SUPT3H: variants seen among roughly 807,000 people sequenced by gnomAD.
SUPT3H encodes SPT3 homolog, SAGA and STAGA complex component.
In SUPT3H, 44 loss-of-function variants were observed where a neutral mutation model predicts 44.3. The ratio of observed to expected loss-of-function variants is 0.99; its 90% CI spans 0.78 to 1.28. SUPT3H has a LOEUF of 1.28. SUPT3H is among the 50% of genes most tolerant of loss of function. SUPT3H has a pLI of 0.00. For missense variants in SUPT3H, 380 were observed against 387.1 expected (o/e 0.98, Z 0.15); for synonymous variants, 124 against 125.6 (o/e 0.99, Z 0.09).
At chr6:44,948,282 A>T (rs551927452) in intron 9 of SUPT3H, among the ~76,000 whole-genome samples, 26 of 152,354 alleles carry the variant, frequency 1.7e-4, no homozygotes, top group African/African-American at 5.5e-4. Flanking sequence ...AAAACCATAA[A>T]AACCCTAGAA....
At chr6:45,212,685 C>A (rs1764329815) in intron 2 of SUPT3H, among the ~76,000 whole-genome samples, 1 of 152,086 alleles carries the variant, frequency 6.6e-6, no homozygotes, top group Admixed American at 6.6e-5. Context: ...TAAAAATAAT[C>A]TTTTTCTGTC....
At chr6:45,277,373 G>A (rs12663445) in intron 2 of SUPT3H, among the ~76,000 whole-genome samples, 1 of 152,074 alleles carries the variant, frequency 6.6e-6, no homozygotes, top group African/African-American at 2.4e-5. Flanking sequence ...GGAATCCTCA[G>A]GCTACAATAA....
chr6:45,005,478 G>T (rs947486150), intron 5 of SUPT3H, among the ~76,000 whole-genome samples: 2 of 151,966 alleles, frequency 1.3e-5, no homozygotes. Flanking sequence ...GGTGGCTCAC[G>T]CCTGTAATCC....
At chr6:45,338,632 A>G (rs947125359) in intron 2 of SUPT3H, among the ~76,000 whole-genome samples, 1 of 152,120 alleles carries the variant, frequency 6.6e-6, no homozygotes, top group African/African-American at 2.4e-5. Context: ...AAAAATAATA[A>G]TACTATCTTT....
At chr6:45,088,658 C>G (rs956959830) in intron 3 of SUPT3H, among the ~76,000 whole-genome samples, 1 of 151,924 alleles carries the variant, frequency 6.6e-6, no homozygotes, top group South Asian at 2.1e-4. Context: ...GCTCACGAAC[C>G]CTGTGGGTTT....
At chr6:45,141,586 TA>T (rs1335791124) in intron 2 of SUPT3H, among the ~76,000 whole-genome samples, 1 of 151,484 alleles carries the variant, frequency 6.6e-6, no homozygotes, top group Non-Finnish European at 1.5e-5. Context: ...AAAAATAGAC[TA>T]GAACAAGTAG....
At chr6:45,141,351 A>AAAG (rs1466855728) in intron 2 of SUPT3H, among the ~76,000 whole-genome samples, 1 of 150,078 alleles carries the variant, frequency 6.7e-6, no homozygotes, top group African/African-American at 2.4e-5. Context: ...AAAAAAAAAA[A>AAAG]AAAAAAAAAA....
chr6:44,950,836 ATTATTTTTTAT>A (rs143985174), intron 9 of SUPT3H, among the ~76,000 whole-genome samples: 16,842 of 130,674 alleles, frequency 0.13, 1,037 homozygotes, highest in African/African-American at 0.2. Context: ...TTTTATTATT[ATTATTTTTTAT>A]TTATTTTTTA....
chr6:44,960,040 G>A (rs1007383695), intron 7 of SUPT3H, among the ~76,000 whole-genome samples: 1 of 152,062 alleles, frequency 6.6e-6, no homozygotes, highest in Non-Finnish European at 1.5e-5. Flanking sequence ...AAATGACCAA[G>A]TCCTTCCACT....
chr6:44,997,115 C>T (rs1781373704), intron 6 of SUPT3H, among the ~76,000 whole-genome samples: 1 of 151,736 alleles, frequency 6.6e-6, no homozygotes, highest in African/African-American at 2.4e-5. Flanking sequence ...TAAACTCAAT[C>T]TCCTACTCTT....
At chr6:44,816,915 G>T (rs927507983) in intron 11 of SUPT3H, among the ~76,000 whole-genome samples, 2 of 150,962 alleles carry the variant, frequency 1.3e-5, no homozygotes, top group Non-Finnish European at 2.9e-5. Context: ...CAAAAAAAAT[G>T]CCAGGCATGG....
chr6:45,288,309 T>C (rs1402083180), intron 2 of SUPT3H, among the ~76,000 whole-genome samples: 3 of 151,984 alleles, frequency 2.0e-5, no homozygotes, highest in Non-Finnish European at 2.9e-5. Context: ...TAACGGTATT[T>C]ATTAAGAGAC....
intron 1 of SUPT3H, among the ~76,000 whole-genome samples, chr6:45,368,174 C>T (rs1056378517): frequency 6.6e-6 from 1 of 152,138 alleles, no homozygotes; most frequent in African/African-American, 2.4e-5. Context: ...ATTGAAAATG[C>T]ATCTGTTTGC....
At chr6:45,016,271 G>A (rs968293913) in intron 4 of SUPT3H, among the ~76,000 whole-genome samples, 3 of 151,874 alleles carry the variant, frequency 2.0e-5, no homozygotes, top group African/African-American at 7.3e-5. Flanking sequence ...TGTATTTGCA[G>A]TACATTTTTG....
chr6:44,932,044 CT>C (rs1040383167), intron 10 of SUPT3H, among the ~76,000 whole-genome samples: 3 of 151,966 alleles, frequency 2.0e-5, no homozygotes, highest in East Asian at 3.9e-4. Context: ...CAAATAAGAT[CT>C]TTTTTTTAAA....
intron 2 of SUPT3H, among the ~76,000 whole-genome samples, chr6:45,283,184 G>A (rs1191383193): frequency 6.6e-6 from 1 of 152,022 alleles, no homozygotes; most frequent in Non-Finnish European, 1.5e-5. Context: ...CAACTAACGA[G>A]CAAAATAACC....
At chr6:44,982,789 T>C (rs1779282962) in intron 6 of SUPT3H, among the ~76,000 whole-genome samples, 1 of 152,168 alleles carries the variant, frequency 6.6e-6, no homozygotes, top group South Asian at 2.1e-4. Context: ...TGTACTTTCA[T>C]AACAGAGAAT....
chr6:45,071,422 A>T (rs1794365198), intron 3 of SUPT3H, among the ~76,000 whole-genome samples: 1 of 152,160 alleles, frequency 6.6e-6, no homozygotes, highest in South Asian at 2.1e-4. Flanking sequence ...TATCCATTAA[A>T]GATCACTGAT....
intron 2 of SUPT3H, among the ~76,000 whole-genome samples, chr6:45,143,294 T>C (rs1405811843): frequency 2.0e-5 from 3 of 152,074 alleles, no homozygotes; most frequent in Non-Finnish European, 2.9e-5. Flanking sequence ...AGAGAGACCA[T>C]ATGATAGGCC....
Sources: allele counts gnomAD v4.1 joint callset (sites outside exome capture counted in the v4.1 genomes callset), GRCh38; gene constraint gnomAD v4.1.1; transcripts MANE v1.5; gene names NCBI Gene and HGNC (gene_info 2026-07-23, HGNC 2026-07-21).